CPEB3: variants seen among roughly 807,000 people sequenced by gnomAD.
The protein encoded by CPEB3 is cytoplasmic polyadenylation element-binding protein 3.
Under a neutral mutation model 67.2 loss-of-function variants are expected in CPEB3, and 20 were observed. The observed-to-expected ratio is 0.30, with a 90% confidence interval of 0.21 to 0.43. CPEB3 has a LOEUF of 0.43. Ranked by LOEUF, CPEB3 falls within the 20% of genes least tolerant of loss-of-function variation. CPEB3 has a pLI of 1.00. For synonymous variants in CPEB3, 376 were observed against 393.1 expected (o/e 0.96, Z 0.51); for missense variants, 746 against 968.6 (o/e 0.77, Z 3.05).
At chr10:92,089,487 GA>G (rs983940375) in intron 8 of CPEB3, among the ~76,000 whole-genome samples, 2 of 151,812 alleles carry the variant, frequency 1.3e-5, no homozygotes, top group Admixed American at 1.3e-4. Flanking sequence ...TAGCTTAGTT[GA>G]AAAAAAAGAG....
At chr10:92,158,323 C>CA (rs1847303105) in intron 4 of CPEB3, among the ~76,000 whole-genome samples, 1 of 152,028 alleles carries the variant, frequency 6.6e-6, no homozygotes, top group African/African-American at 2.4e-5. Flanking sequence ...ATGGATGTTT[C>CA]AGAAGTCTTA....
Position 92,051,731 on chromosome 10 carries a change from A to C in CPEB3, c.*481T>G, listed in dbSNP as rs1841900074. ...GCTAATGATTGCTGAATTGTTGTGA[A>C]GTTTTTGCTACATCTGCCACCTACT... On this transcript the variant is annotated 3_prime_UTR_variant, in exon 10 of 10. Transcript: ENST00000265997. 1 of 153,488 alleles carries C rather than the reference A, an allele frequency of 6.5e-6. No homozygotes were observed. Among genetic ancestry groups the C allele is most frequent in the African/African-American group, 2.4e-5 (1 of 41,440 alleles). 9.5% of individuals were successfully genotyped at this position (153,488 alleles called of 1,614,324 possible). A position where few individuals can be genotyped will look rare whatever the true frequency, so the allele number is the denominator to read the frequency against.
intron 1 of CPEB3, among the ~76,000 whole-genome samples, chr10:92,280,920 C>T (rs537118400): frequency 4.6e-5 from 7 of 151,374 alleles, no homozygotes; most frequent in South Asian, 2.1e-4. Context: ...CCACCACGCC[C>T]GGCTAATTTT....
intron 9 of CPEB3, among the ~76,000 whole-genome samples, chr10:92,061,930 ACTAT>A (rs1353115168): frequency 6.6e-6 from 1 of 152,072 alleles, no homozygotes; most frequent in African/African-American, 2.4e-5. Context: ...CAAAATATCT[ACTAT>A]CTACACCCAC....
intron 7 of CPEB3, among the ~76,000 whole-genome samples, chr10:92,095,337 T>C (rs896469413): frequency 6.6e-6 from 1 of 151,068 alleles, no homozygotes; most frequent in Non-Finnish European, 1.5e-5. Context: ...CTGTCACCTC[T>C]GCAGAATTAA....
intron 4 of CPEB3, among the ~76,000 whole-genome samples, chr10:92,173,566 AAAT>A (rs751801194): frequency 9.9e-5 from 15 of 152,044 alleles, no homozygotes; most frequent in Non-Finnish European, 1.6e-4. Flanking sequence ...TTAAGGTAGT[AAAT>A]AATAATAATA....
chr10:92,170,674 G>T (rs867330220), intron 4 of CPEB3, among the ~76,000 whole-genome samples: 1 of 152,088 alleles, frequency 6.6e-6, no homozygotes. Context: ...AGGAAGGGAG[G>T]GAGGGAGAGA....
At chr10:92,094,132 G>C (rs1047115740) in intron 7 of CPEB3, among the ~76,000 whole-genome samples, 2 of 151,998 alleles carry the variant, frequency 1.3e-5, no homozygotes, top group African/African-American at 4.8e-5. Flanking sequence ...TGGGATTACG[G>C]GAGCGAGCCA....
intron 8 of CPEB3, among the ~76,000 whole-genome samples, chr10:92,091,193 A>C (rs1564770010): frequency 1.3e-5 from 2 of 152,228 alleles, no homozygotes. Flanking sequence ...GTACTTTCAC[A>C]GTGGCAACAG....
intron 1 of CPEB3, among the ~76,000 whole-genome samples, chr10:92,241,342 C>T (rs1227784441): frequency 2.0e-5 from 3 of 152,002 alleles, no homozygotes; most frequent in African/African-American, 7.2e-5. Context: ...TTAAAAAAAA[C>T]CCTCAGAGAT....
At position 92,159,740 on chromosome 10, in the gene CPEB3, C is replaced by T. The variant is rs1847376797; in HGVS notation, c.1223-14655G>A. 2.6e-5 allele frequency among the ~76,000 whole-genome samples: 4 copies of T among 152,116 alleles called. 1 individual carries two copies. The South Asian group carries it at 8.3e-4, about 31-fold the overall frequency. ...TTATTCCATAGGAAAATAATTCAGA[C>T]TTTTCAGCCGGATAGTTGAAATACC... is the stretch of plus-strand genomic sequence containing the variant. On this transcript the variant is annotated intron_variant, in intron 4 of 9. Coordinates refer to ENST00000265997, the MANE Select transcript of CPEB3 (RefSeq NM_014912.5).
intron 6 of CPEB3, among the ~76,000 whole-genome samples, chr10:92,121,351 A>G (rs988367761): frequency 4.8e-5 from 7 of 146,798 alleles, no homozygotes; most frequent in African/African-American, 1.7e-4. Context: ...ACACACACAT[A>G]TATATATATA....
chr10:92,180,257 C>T (rs987113607), intron 4 of CPEB3, among the ~76,000 whole-genome samples: 1 of 152,144 alleles, frequency 6.6e-6, no homozygotes. Context: ...CTGTTTCAAA[C>T]CTATAAAGCT....
At chr10:92,258,176 T>C (rs981100848) in intron 1 of CPEB3, among the ~76,000 whole-genome samples, 2 of 151,664 alleles carry the variant, frequency 1.3e-5, no homozygotes, top group South Asian at 4.2e-4. Context: ...CTCGGCTCAC[T>C]GCAACCTCCA....
chr10:92,213,063 T>A (rs914489536), intron 2 of CPEB3, among the ~76,000 whole-genome samples: 3 of 152,198 alleles, frequency 2.0e-5, no homozygotes, highest in Non-Finnish European at 1.5e-5. Context: ...AATTCCTGCA[T>A]TCCGAAGTTT....
intron 4 of CPEB3, among the ~76,000 whole-genome samples, chr10:92,153,600 G>A (rs908965131): frequency 1.3e-4 from 20 of 152,210 alleles, no homozygotes; most frequent in African/African-American, 3.4e-4. Context: ...GGCCAACATG[G>A]AGAAACCCCA....
intron 7 of CPEB3, among the ~76,000 whole-genome samples, chr10:92,110,476 T>C (rs535186584): frequency 6.6e-6 from 1 of 152,298 alleles, no homozygotes; most frequent in East Asian, 1.9e-4. Flanking sequence ...ACAATCTTCC[T>C]CCCTTATCCA....
chr10:92,178,402 G>T (rs1315951836), intron 4 of CPEB3, among the ~76,000 whole-genome samples: 1 of 152,088 alleles, frequency 6.6e-6, no homozygotes, highest in Non-Finnish European at 1.5e-5. Flanking sequence ...CAAGTGATCT[G>T]CCCACCTCGG....
At chr10:92,080,348 T>C (rs951054008) in intron 9 of CPEB3, among the ~76,000 whole-genome samples, 1 of 152,106 alleles carries the variant, frequency 6.6e-6, no homozygotes, top group African/African-American at 2.4e-5. Context: ...GAATTTAAAC[T>C]CATGCCAATC....
Sources: gnomAD v4.1 joint callset for allele counts (sites outside exome capture counted in the v4.1 genomes callset) on GRCh38, gnomAD v4.1.1 for gene constraint, MANE v1.5 for transcripts, NCBI Gene and HGNC (gene_info 2026-07-23, HGNC 2026-07-21) for gene names.